Variants in ZNF420 observed in about 807,000 individuals in gnomAD.
ZNF420 encodes the protein zinc finger protein 420, also known as ATM and p53-associated KZNF protein.
ZNF420 carries 31 observed loss-of-function variants against 44.7 expected under a neutral mutation model. The observed-to-expected ratio is 0.69, with a 90% CI of 0.52 to 0.94. The LOEUF is 0.94. Ranked by LOEUF, ZNF420 falls within the 40% of genes least tolerant of loss-of-function variation. ZNF420 has a pLI of 0.00. For synonymous variants in ZNF420, 245 were observed against 267.4 expected (o/e 0.92, Z 0.82); for missense variants, 681 against 827.9 (o/e 0.82, Z 2.18).
intron 1 of ZNF420, among the ~76,000 whole-genome samples, chr19:37,039,552 C>G (rs544968514): frequency 6.6e-6 from 1 of 152,298 alleles, no homozygotes; most frequent in African/African-American, 2.4e-5. Flanking sequence ...CAGTAAACAG[C>G]TGTGATATCA....
intron 1 of ZNF420, among the ~76,000 whole-genome samples, chr19:37,042,249 A>C (rs559548592): frequency 1.1e-3 from 164 of 152,308 alleles, no homozygotes; most frequent in African/African-American, 3.9e-3. Context: ...CACCTGCCTC[A>C]GCCTCCCAAA....
chr19:37,042,421 A>C (rs1258485057), intron 1 of ZNF420, among the ~76,000 whole-genome samples: 1 of 152,250 alleles, frequency 6.6e-6, no homozygotes, highest in Non-Finnish European at 1.5e-5. Context: ...AGAACTACAA[A>C]CTAGAATTTA....
intron 4 of ZNF420, among the ~76,000 whole-genome samples, chr19:37,097,864 A>AT (rs1431747098): frequency 6.6e-6 from 1 of 152,112 alleles, no homozygotes; most frequent in Non-Finnish European, 1.5e-5. Flanking sequence ...TCCTAAGGTC[A>AT]TTTTTCAATG....
At chr19:37,012,352 A>C (rs955019511) in intron 1 of ZNF420, among the ~76,000 whole-genome samples, 6 of 152,196 alleles carry the variant, frequency 3.9e-5, no homozygotes, top group East Asian at 1.9e-4. Context: ...GCGCGAACAG[A>C]TTCTCGTCAC....
intron 4 of ZNF420, among the ~76,000 whole-genome samples, chr19:37,125,752 T>C (rs1035098513): frequency 6.6e-6 from 1 of 151,302 alleles, no homozygotes; most frequent in Non-Finnish European, 1.5e-5. Context: ...AATAAAGATT[T>C]AAGTTTGCTA....
At position 37,039,898 on chromosome 19, in the gene ZNF420, G is replaced by GT. The variant is rs1421276587; in HGVS notation, c.-125+31818dup. The stretch of plus-strand genomic sequence containing the variant: ...GATTTGTTTTTTTGTTTGTTTGTTT[G>GT]TTGTTGTTGTTTGTAGAGACAGGGT... On this transcript the variant is annotated intron_variant, in intron 1 of 4. Coordinates refer to the ZNF420 transcript ENST00000587029. Among the ~76,000 whole-genome samples, 3 of 151,860 alleles carry GT rather than the reference G, an allele frequency of 2.0e-5. No individual in the cohort carries two copies. In the South Asian group the frequency reaches 6.2e-4, roughly 32 times the overall value.
At chr19:37,009,238 G>A (rs2074550069) in intron 1 of ZNF420, among the ~76,000 whole-genome samples, 1 of 152,160 alleles carries the variant, frequency 6.6e-6, no homozygotes, top group Non-Finnish European at 1.5e-5. Context: ...TGGGTGCATG[G>A]GAGGTTGCGT....
rs556885395 is a variant in ZNF420, at chr19:37,023,416, A to T, written c.-125+15334A>T. 3.3e-5 allele frequency among the ~76,000 whole-genome samples: 5 copies of T among 151,648 alleles called. 1 individual carries two copies. The highest frequency in any genetic ancestry group is 1.3e-4 in the Admixed American group (2 of 15,234). The stretch of plus-strand genomic sequence containing the variant: ...AGTCTTGCTCTGTCGCCCGTGCTGG[A>T]GTGCAGTGGCGCAATCTTGGCTCAC... On this transcript the variant is annotated intron_variant, in intron 1 of 4. Coordinates refer to the ZNF420 transcript ENST00000587029.
chr19:37,036,425 C>T (rs1413012705), intron 1 of ZNF420, among the ~76,000 whole-genome samples: 1 of 152,190 alleles, frequency 6.6e-6, no homozygotes, highest in Non-Finnish European at 1.5e-5. Context: ...CAAATTCCCT[C>T]CTGTCCCAGA....
At chr19:37,062,505 T>C (rs1227629072) in intron 1 of ZNF420, among the ~76,000 whole-genome samples, 1 of 152,220 alleles carries the variant, frequency 6.6e-6, no homozygotes. Flanking sequence ...ATTTTGTTAA[T>C]TTTAGTTTTA....
At chr19:37,023,600 A>G (rs1354286441) in intron 1 of ZNF420, among the ~76,000 whole-genome samples, 1 of 152,136 alleles carries the variant, frequency 6.6e-6, no homozygotes, top group Non-Finnish European at 1.5e-5. Flanking sequence ...TACTGACCTC[A>G]GGTGATCCAC....
chr19:37,080,482 G>A (rs1320140813), intron 2 of ZNF420, 94 bp downstream of exon 2: 2 of 152,590 alleles, frequency 1.3e-5, no homozygotes, highest in African/African-American at 2.4e-5. Context: ...CTTCTCAAAT[G>A]ATAGAGGGGC....
At chr19:37,082,691 T>A (rs919018724) in intron 2 of ZNF420, among the ~76,000 whole-genome samples, 4 of 152,166 alleles carry the variant, frequency 2.6e-5, no homozygotes, top group African/African-American at 4.8e-5. Context: ...CAACATAAAG[T>A]CCTGTTGGAG....
At chr19:37,071,436 A>G in intron 1 of ZNF420, among the ~76,000 whole-genome samples, 1 of 152,350 alleles carries the variant, frequency 6.6e-6, no homozygotes, top group East Asian at 1.9e-4. Context: ...TCTCAGGATA[A>G]TTGTTATGTC....
At chr19:37,075,608 G>A (rs2146460614), upstream of ZNF420, among the ~76,000 whole-genome samples, 1 of 152,168 alleles carries the variant, frequency 6.6e-6, no homozygotes, top group African/African-American at 2.4e-5. Context: ...TGGGCGTAGT[G>A]GCAGGCGCCT....
Position 37,016,016 on chromosome 19 carries a change from T to A in ZNF420, c.-125+7934T>A, listed in dbSNP as rs140633661. ...TGAGGATGACCTTTCTGAAGATCCA[T>A]GTCATGAGTGTTTCCTCCTCAACAC... On this transcript the variant is annotated intron_variant, in intron 1 of 4. Coordinates refer to the ZNF420 transcript ENST00000587029. Among the ~76,000 whole-genome samples, 942 of 152,346 alleles carry A rather than the reference T, an allele frequency of 6.2e-3. 28 individuals carry two copies. The highest frequency in any genetic ancestry group is 0.05 in the East Asian group (258 of 5,182).
chr19:37,090,622 T>C (rs8108727), intron 3 of ZNF420, among the ~76,000 whole-genome samples: 49,027 of 151,140 alleles, frequency 0.32, 8,151 homozygotes, highest in Non-Finnish European at 0.35. Flanking sequence ...TCCCTCTCCA[T>C]TGAAAAAGTA....
At chr19:37,113,991 G>A (rs146662773) in intron 4 of ZNF420, among the ~76,000 whole-genome samples, 3,672 of 152,160 alleles carry the variant, frequency 0.024, 161 homozygotes, top group African/African-American at 0.083. Context: ...AAGGGGAGTT[G>A]GGTCCATACT....
In ZNF420 at chr19:37,128,735, A is replaced by G. The variant is rs1437655521; in HGVS notation, c.1744A>G (p.Thr582Ala). The G allele has an allele frequency of 6.2e-7, 1 of 1,613,924 alleles. No individual in the cohort carries two copies. Among genetic ancestry groups the G allele is most frequent in the Non-Finnish European group, 8.5e-7 (1 of 1,179,948 alleles). The part of the protein sequence containing the change: ...SQLTQHQRIH[T>A]GEKPYECKEC... The stretch of plus-strand genomic sequence containing the variant: ...GTTGACTCAACATCAGCGAATTCAC[A>G]CTGGAGAAAAACCCTATGAATGCAA... The change falls in exon 5 of 5, where the codon ACT becomes GCT. Residue 582 changes from threonine to alanine, a missense_variant. Around this residue, in one of 3 missense-constraint regions of ZNF420, gnomAD observed 280 missense variants for 338.6 expected, o/e 0.83. Coordinates refer to ENST00000337995, the MANE Select transcript of ZNF420 (RefSeq NM_144689.5).
Sources: allele counts gnomAD v4.1 joint callset (sites outside exome capture counted in the v4.1 genomes callset), GRCh38; gene constraint gnomAD v4.1.1; regional missense constraint gnomAD v4.1.1; transcripts MANE v1.5; gene names NCBI Gene and HGNC (gene_info 2026-07-23, HGNC 2026-07-21).